GRID2: variants seen among roughly 807,000 people sequenced by gnomAD.
GRID2 encodes the protein glutamate ionotropic receptor delta type subunit 2.
In GRID2, 33 loss-of-function variants were observed where a neutral mutation model predicts 114.8. That is an observed-to-expected ratio of 0.29 (90% CI 0.22 to 0.38). The LOEUF (loss-of-function observed/expected upper bound fraction) is 0.38. Ranked by LOEUF, GRID2 falls within the 10% of genes least tolerant of loss-of-function variation. The pLI is 1.00. For synonymous variants in GRID2, 505 were observed against 449.9 expected, an observed-to-expected ratio of 1.12 and a Z score of -1.55; for missense variants, 1,184 against 1,257.7, an observed-to-expected ratio of 0.94 and a Z score of 0.89.
chr4:92,766,546 A>C (rs1193357120), intron 2 of GRID2, among the ~76,000 whole-genome samples: 1 of 151,872 alleles, frequency 6.6e-6, no homozygotes, highest in Non-Finnish European at 1.5e-5. Context: ...CAAAAAAAAA[A>C]AAAAAAAAAA....
chr4:92,598,946 G>A (rs1221694831), intron 2 of GRID2, among the ~76,000 whole-genome samples: 2 of 151,354 alleles, frequency 1.3e-5, no homozygotes, highest in Non-Finnish European at 2.9e-5. Context: ...CGTAGTCAGC[G>A]ACATATTTTT....
chr4:92,732,983 T>C (rs1736401651), intron 2 of GRID2, among the ~76,000 whole-genome samples: 1 of 152,104 alleles, frequency 6.6e-6, no homozygotes. Context: ...TGATTAATTA[T>C]ATGTATGAGA....
At chr4:93,436,393 G>A (rs577190170) in intron 10 of GRID2, among the ~76,000 whole-genome samples, 8 of 152,208 alleles carry the variant, frequency 5.3e-5, no homozygotes, top group Non-Finnish European at 8.8e-5. Context: ...ATGAAGTATT[G>A]TGTTCAAGAG....
chr4:92,707,413 C>T (rs2149306396), intron 2 of GRID2, among the ~76,000 whole-genome samples: 1 of 152,272 alleles, frequency 6.6e-6, no homozygotes, highest in South Asian at 2.1e-4. Flanking sequence ...AATAGATTCT[C>T]TTCAAGCAGT....
At chr4:92,606,939 A>T (rs1579672284) in intron 2 of GRID2, among the ~76,000 whole-genome samples, 1 of 152,000 alleles carries the variant, frequency 6.6e-6, no homozygotes, top group South Asian at 2.1e-4. Flanking sequence ...TAAAATCTGT[A>T]TGTTCATGGA....
At chr4:93,692,325 G>C (rs1183355526) in intron 14 of GRID2, among the ~76,000 whole-genome samples, 1 of 152,028 alleles carries the variant, frequency 6.6e-6, no homozygotes, top group Non-Finnish European at 1.5e-5. Context: ...AAGCTTTCCA[G>C]GCAGAGCAAA....
chr4:92,727,339 G>A (rs964677263), intron 2 of GRID2, among the ~76,000 whole-genome samples: 3 of 151,982 alleles, frequency 2.0e-5, no homozygotes, highest in Non-Finnish European at 2.9e-5. Context: ...AACATTTTCT[G>A]TTAAGAAAAC....
At chr4:92,896,747 T>A (rs1312017729) in intron 2 of GRID2, among the ~76,000 whole-genome samples, 1 of 152,194 alleles carries the variant, frequency 6.6e-6, no homozygotes, top group African/African-American at 2.4e-5. Context: ...AGGTTTTGTT[T>A]CTTTTGTGTG....
intron 1 of GRID2, among the ~76,000 whole-genome samples, chr4:92,458,772 G>A (rs975892306): frequency 6.6e-6 from 1 of 152,142 alleles, no homozygotes; most frequent in Non-Finnish European, 1.5e-5. Context: ...AAAAACTGCT[G>A]TGTCCAGTGT....
chr4:92,444,352 T>C (rs1048606549), intron 1 of GRID2, among the ~76,000 whole-genome samples: 2 of 148,834 alleles, frequency 1.3e-5, no homozygotes, highest in Non-Finnish European at 3.0e-5. Context: ...TTTGGGTAGG[T>C]AAACGAAAAT....
chr4:93,695,934 A>G (rs912827194), intron 14 of GRID2, among the ~76,000 whole-genome samples: 2 of 152,250 alleles, frequency 1.3e-5, no homozygotes, highest in African/African-American at 4.8e-5. Flanking sequence ...GGATATATGC[A>G]TATCTGTTTT....
intron 8 of GRID2, among the ~76,000 whole-genome samples, chr4:93,240,768 TA>T (rs201724334): frequency 0.01 from 1,582 of 150,958 alleles, 22 homozygotes; most frequent in African/African-American, 0.034. Flanking sequence ...GTTTTTTTTT[TA>T]TATATATACG....
chr4:93,280,139 T>C (rs1448464654), intron 8 of GRID2, among the ~76,000 whole-genome samples: 1 of 151,914 alleles, frequency 6.6e-6, no homozygotes, highest in Non-Finnish European at 1.5e-5. Flanking sequence ...GACCTATTGA[T>C]TGCAAGGTTG....
intron 8 of GRID2, among the ~76,000 whole-genome samples, chr4:93,287,814 C>A (rs1200535324): frequency 1.3e-5 from 2 of 152,150 alleles, no homozygotes; most frequent in African/African-American, 4.8e-5. Context: ...ATTGCCAATT[C>A]TGGAGGCAAT....
chr4:92,919,772 G>A (rs184037506), intron 2 of GRID2, among the ~76,000 whole-genome samples: 2 of 152,102 alleles, frequency 1.3e-5, no homozygotes, highest in South Asian at 2.1e-4. Flanking sequence ...TTACTTCCAA[G>A]TATGTGGTCA....
At chr4:93,085,781 A>C (rs1730280931) in intron 3 of GRID2, among the ~76,000 whole-genome samples, 1 of 152,268 alleles carries the variant, frequency 6.6e-6, no homozygotes, top group Non-Finnish European at 1.5e-5. Context: ...GAGTCACTAA[A>C]ATTATATCAC....
intron 2 of GRID2, among the ~76,000 whole-genome samples, chr4:93,045,591 A>G (rs1055509809): frequency 4.6e-5 from 7 of 152,120 alleles, no homozygotes; most frequent in African/African-American, 1.7e-4. Flanking sequence ...TTTGGGAAAA[A>G]TATGGGGGTA....
chr4:92,349,015 T>C (rs1727927467), intron 1 of GRID2, among the ~76,000 whole-genome samples: 1 of 151,976 alleles, frequency 6.6e-6, no homozygotes, highest in Non-Finnish European at 1.5e-5. Flanking sequence ...AGTGCTTTTT[T>C]TTTTGAGTGC....
At chr4:93,360,270 C>A (rs1225659476) in intron 8 of GRID2, among the ~76,000 whole-genome samples, 1 of 151,580 alleles carries the variant, frequency 6.6e-6, no homozygotes, top group Non-Finnish European at 1.5e-5. Flanking sequence ...TCATTTCTTC[C>A]TTTTGCCTTT....
Sources: allele counts gnomAD v4.1 joint callset (sites outside exome capture counted in the v4.1 genomes callset), GRCh38; gene constraint gnomAD v4.1.1; transcripts MANE v1.5; gene names NCBI Gene and HGNC (gene_info 2026-07-23, HGNC 2026-07-21).